FUT8: variants seen among roughly 807,000 people sequenced by gnomAD.
The protein encoded by FUT8 is alpha-(1,6)-fucosyltransferase.
Under a neutral mutation model 71.3 loss-of-function variants are expected in FUT8, and 29 were observed. The ratio of observed to expected loss-of-function variants is 0.41; its 90% confidence interval spans 0.30 to 0.55. The LOEUF (loss-of-function observed/expected upper bound fraction) is 0.55, where lower values mean the gene tolerates loss of function less well. Among genes scored for constraint, FUT8 ranks in the 20% least tolerant of loss-of-function variants. FUT8 has a pLI of 0.34. For missense variants in FUT8, 544 were observed against 702.1 expected (o/e 0.77, Z 2.55); for synonymous variants, 254 against 239.3 (o/e 1.06, Z -0.57).
At chr14:65,412,065 C>T (rs1009387450), upstream of FUT8, 3 of 456,654 alleles carry the variant, frequency 6.6e-6, no homozygotes, top group East Asian at 6.9e-5. Context: ...AAATAAACTT[C>T]CGCCTCAGAG....
intron 6 of FUT8, among the ~76,000 whole-genome samples, chr14:65,648,623 C>T (rs1376640191): frequency 6.6e-6 from 1 of 152,152 alleles, no homozygotes; most frequent in African/African-American, 2.4e-5. Flanking sequence ...GTCAAATGTA[C>T]AATGATGTCT....
intron 1 of FUT8, among the ~76,000 whole-genome samples, chr14:65,429,366 A>G (rs897151788): frequency 3.9e-5 from 6 of 152,192 alleles, no homozygotes; most frequent in African/African-American, 1.4e-4. Context: ...GAGGAGGGGA[A>G]TGTAGCTATA....
At chr14:65,373,036 T>C in the FUT8 span, among the ~76,000 whole-genome samples, 5 of 152,048 alleles carry the variant, frequency 3.3e-5, no homozygotes, top group East Asian at 9.7e-4. Flanking sequence ...AGATAAGTAA[T>C]AAATAATTTA....
chr14:65,615,337 G>A (rs1285462900), intron 3 of FUT8, among the ~76,000 whole-genome samples: 2 of 152,026 alleles, frequency 1.3e-5, no homozygotes, highest in Non-Finnish European at 2.9e-5. Context: ...GAACTCCTGG[G>A]CTCAAGTAAT....
chr14:65,420,768 C>T (rs1411209024), intron 1 of FUT8, among the ~76,000 whole-genome samples: 1 of 152,034 alleles, frequency 6.6e-6, no homozygotes, highest in Admixed American at 6.6e-5. Context: ...CTTTTATCTC[C>T]TCAAAAACTT....
intron 2 of FUT8, among the ~76,000 whole-genome samples, chr14:65,531,358 A>G (rs577743747): frequency 3.9e-5 from 6 of 152,192 alleles, no homozygotes; most frequent in South Asian, 4.1e-4. Context: ...TGTCTATGCT[A>G]TTCTTAGAAG....
chr14:65,435,871 A>G lies in FUT8; in HGVS notation c.-325-19750A>G, dbSNP rs188670416. Among the ~76,000 whole-genome samples the G allele has an allele frequency of 6.1e-3, 872 of 143,082 alleles. 9 individuals are homozygous for G. Among genetic ancestry groups the G allele is most frequent in the African/African-American group, 0.022 (839 of 38,518 alleles). The allele number at this position is 143,082 out of a possible 152,430, so 93.9% of individuals were successfully genotyped here. ...ATGTGGTTTTAGTTTGCATTTTCTT[A>G]CAATTGACTTTTGGTGTATTTTTAT... On this transcript the variant is annotated intron_variant, in intron 1 of 10. Transcript: ENST00000673929.
At chr14:65,647,129 A>G (rs1330757868) in intron 6 of FUT8, among the ~76,000 whole-genome samples, 1 of 152,210 alleles carries the variant, frequency 6.6e-6, no homozygotes, top group Non-Finnish European at 1.5e-5. Flanking sequence ...GTGACATTCT[A>G]GTCATTACAG....
intron 1 of FUT8, among the ~76,000 whole-genome samples, chr14:65,439,975 T>A (rs890557256): frequency 1.5e-5 from 2 of 136,998 alleles, no homozygotes; most frequent in Admixed American, 1.4e-4. Context: ...TATATATATA[T>A]ATATATATAT....
intron 2 of FUT8, among the ~76,000 whole-genome samples, chr14:65,494,477 G>A (rs1197020281): frequency 1.3e-5 from 2 of 152,136 alleles, no homozygotes; most frequent in Non-Finnish European, 2.9e-5. Flanking sequence ...CAAGTAGATG[G>A]CTTATTCTCC....
At chr14:65,434,228 A>C (rs760881484) in intron 1 of FUT8, among the ~76,000 whole-genome samples, 1 of 152,234 alleles carries the variant, frequency 6.6e-6, no homozygotes, top group Non-Finnish European at 1.5e-5. Context: ...GTCCAGGAAC[A>C]ACCAGATCCA....
chr14:65,502,013 C>A (rs1286342329), intron 2 of FUT8, among the ~76,000 whole-genome samples: 3 of 151,774 alleles, frequency 2.0e-5, no homozygotes, highest in Non-Finnish European at 4.4e-5. Context: ...CAAACTCAAG[C>A]AGTCCTCTCA....
At chr14:65,705,620 G>C (rs184088822) in intron 7 of FUT8, among the ~76,000 whole-genome samples, 11 of 152,304 alleles carry the variant, frequency 7.2e-5, no homozygotes, top group African/African-American at 2.6e-4. Context: ...TAGAAGTCCA[G>C]ATAGTCTTTG....
At position 65,625,575 on chromosome 14, in the gene FUT8, C is replaced by T. The variant is rs576024716; in HGVS notation, c.483-3917C>T. Among the ~76,000 whole-genome samples the T allele has an allele frequency of 6.6e-5, 10 of 152,296 alleles. No homozygotes were observed. In the South Asian group the frequency reaches 2.1e-3, roughly 32 times the overall value. On this transcript the variant is annotated intron_variant, in intron 5 of 10. Transcript: ENST00000673929. Reference sequence around the variant, plus strand: ...ATAACAAATAAGAAAATGGACAAGGCATCACATATTGGCCTCTTGCCTGTT... The same window carrying T: ...ATAACAAATAAGAAAATGGACAAGGTATCACATATTGGCCTCTTGCCTGTT...
chr14:65,436,864 G>C (rs2065569982), intron 1 of FUT8, among the ~76,000 whole-genome samples: 1 of 152,030 alleles, frequency 6.6e-6, no homozygotes, highest in South Asian at 2.1e-4. Context: ...GAAAATTTGA[G>C]TACTACCAAA....
the FUT8 span, among the ~76,000 whole-genome samples, chr14:65,361,790 G>A: frequency 6.8e-6 from 1 of 147,128 alleles, no homozygotes; most frequent in South Asian, 2.2e-4. Context: ...CTGTCTCAAA[G>A]AAAACAAACA....
intron 7 of FUT8, among the ~76,000 whole-genome samples, chr14:65,714,637 A>G (rs951713113): frequency 7.2e-5 from 11 of 151,860 alleles, no homozygotes; most frequent in Non-Finnish European, 1.3e-4. Flanking sequence ...TGGTATTTTC[A>G]TAGGGATTGC....
intron 1 of FUT8, among the ~76,000 whole-genome samples, chr14:65,452,411 A>C (rs2065841199): frequency 6.6e-6 from 1 of 152,168 alleles, no homozygotes; most frequent in Non-Finnish European, 1.5e-5. Flanking sequence ...ATGGGAAACA[A>C]ATTAGGCGAG....
At chr14:65,397,582 C>T in the FUT8 span, among the ~76,000 whole-genome samples, 1 of 152,258 alleles carries the variant, frequency 6.6e-6, no homozygotes, top group Non-Finnish European at 1.5e-5. This position sits in a 1 kb window ranked among gnomAD's most constrained non-coding sequence, Gnocchi z 4.2. Context: ...CATGTCTACA[C>T]TGTTCCAGTC....
Sources: gnomAD v4.1 joint callset for allele counts (sites outside exome capture counted in the v4.1 genomes callset) on GRCh38, gnomAD v4.1.1 for gene constraint, Gnocchi (gnomAD v3.1) non-coding constraint, MANE v1.5 for transcripts, NCBI Gene and HGNC (gene_info 2026-07-23, HGNC 2026-07-21) for gene names.